NEMP2: variants seen among roughly 807,000 people sequenced by gnomAD.
The protein encoded by NEMP2 is nuclear envelope integral membrane protein 2.
Under a neutral mutation model 54.2 loss-of-function variants are expected in NEMP2, and 53 were observed. That is an observed-to-expected ratio of 0.98 (90% CI 0.78 to 1.23). The LOEUF (loss-of-function observed/expected upper bound fraction) is 1.23. NEMP2 is among the 50% of genes most tolerant of loss of function. The pLI is 0.00. For synonymous variants in NEMP2, 197 were observed against 190.3 expected, an observed-to-expected ratio of 1.04 and a Z score of -0.29; for missense variants, 455 against 511.3, an observed-to-expected ratio of 0.89 and a Z score of 1.06.
the NEMP2 span, among the ~76,000 whole-genome samples, chr2:190,621,463 G>C: frequency 6.6e-6 from 1 of 152,210 alleles, no homozygotes; most frequent in East Asian, 1.9e-4. Flanking sequence ...TGCCATTATA[G>C]TGGCACATGA....
At chr2:190,594,034 G>A in the NEMP2 span, among the ~76,000 whole-genome samples, 7 of 152,278 alleles carry the variant, frequency 4.6e-5, no homozygotes, top group South Asian at 2.1e-4. The surrounding 1 kb of genome is among the most constrained non-coding windows in gnomAD (Gnocchi z 5.6). Flanking sequence ...ACTCATTGCC[G>A]TGGCCTGAAG....
chr2:190,518,834 C>A, intron 3 of NEMP2, 26 bp from the exon 4 acceptor site: 2 of 1,530,372 alleles, frequency 1.3e-6, no homozygotes, highest in East Asian at 4.9e-5. Flanking sequence ...CACACAAACA[C>A]ATAACAAAGA....
the NEMP2 span, among the ~76,000 whole-genome samples, chr2:190,476,048 T>C: frequency 6.6e-6 from 1 of 152,208 alleles, no homozygotes; most frequent in Non-Finnish European, 1.5e-5. Flanking sequence ...TTACACCTTA[T>C]ACAGAAATTA....
chr2:190,565,146 G>A, the NEMP2 span, among the ~76,000 whole-genome samples: 1 of 146,322 alleles, frequency 6.8e-6, no homozygotes, highest in Non-Finnish European at 1.5e-5. Flanking sequence ...TCCTGCTCCA[G>A]GAGGAAATAC....
At chr2:190,532,347 C>G (rs1469871014) in intron 1 of NEMP2, among the ~76,000 whole-genome samples, 1 of 152,146 alleles carries the variant, frequency 6.6e-6, no homozygotes, top group Non-Finnish European at 1.5e-5. Context: ...CTCATGCACA[C>G]TCAGGTCTTT....
At chr2:190,648,771 T>G in the NEMP2 span, 1 of 150,464 alleles carries the variant, frequency 6.6e-6, no homozygotes. Flanking sequence ...ACTTGGTTCC[T>G]CCCAGCTGCC....
the NEMP2 span, among the ~76,000 whole-genome samples, chr2:190,646,407 T>C: frequency 2.6e-5 from 4 of 152,094 alleles, no homozygotes; most frequent in Admixed American, 6.5e-5. Context: ...CAAAACCTGG[T>C]AAGGTGGAAA....
rs191169168 is a variant in NEMP2, at chr2:190,510,859, C to T, written c.954-322G>A. Among the ~76,000 whole-genome samples, 452 of 144,138 alleles carry T rather than the reference C, an allele frequency of 3.1e-3. 19 individuals are homozygous for T. The East Asian group carries it at 0.079, about 25-fold the overall frequency. 94.6% of individuals were successfully genotyped at this position (144,138 alleles called of 152,430 possible). ...TCGCGCCACTGCACTCCAGCCTGGG[C>T]GACAGAGGGAGACTCCGTCTCAAAA... On this transcript the variant is annotated intron_variant, in intron 7 of 8. Transcript: ENST00000409150. This position sits in a 1 kb window ranked among gnomAD's most constrained non-coding sequence, Gnocchi z 5.7.
chr2:190,508,947 G>T lies in NEMP2; in HGVS notation c.*242C>A. On this transcript the variant is annotated 3_prime_UTR_variant, in exon 9 of 9. Transcript: ENST00000409150. This position sits in a 1 kb window ranked among gnomAD's most constrained non-coding sequence, Gnocchi z 4.3. ...TTCCTAATGAAAGCCTTCATTCAAG[G>T]TAAGTGGTAGTGGCTGTCACAGAAT... 1 of 499,072 alleles carries T rather than the reference G, an allele frequency of 2.0e-6. No individual in the cohort carries two copies. The highest frequency in any genetic ancestry group is 3.5e-6 in the Non-Finnish European group (1 of 282,492). 30.9% of individuals were successfully genotyped at this position (499,072 alleles called of 1,614,324 possible).
upstream of NEMP2, chr2:190,534,727 C>T (rs1031022762): frequency 1.4e-5 from 16 of 1,141,464 alleles, no homozygotes; most frequent in Non-Finnish European, 1.7e-5. Context: ...GGAAGTGGCG[C>T]GGGGGCTCAG....
chr2:190,610,248 A>T, the NEMP2 span: 6 of 152,216 alleles, frequency 3.9e-5, no homozygotes, highest in African/African-American at 1.4e-4. This position sits in a 1 kb window ranked among gnomAD's most constrained non-coding sequence, Gnocchi z 5.4. Flanking sequence ...AAGTGCAGCA[A>T]GAATAATTAT....
chr2:190,607,631 T>C, the NEMP2 span: 1 of 152,174 alleles, frequency 6.6e-6, no homozygotes. The surrounding 1 kb of genome is among the most constrained non-coding windows in gnomAD (Gnocchi z 5.2). Flanking sequence ...CTTACTCCTG[T>C]ATTTTTAAAA....
the NEMP2 span, among the ~76,000 whole-genome samples, chr2:190,482,867 T>C: frequency 5.5e-5 from 6 of 108,440 alleles, no homozygotes; most frequent in African/African-American, 1.7e-4. Flanking sequence ...AAGACTATCA[T>C]CTTTTTTTTT....
the NEMP2 span, among the ~76,000 whole-genome samples, chr2:190,616,625 T>C: frequency 1.3e-5 from 2 of 152,192 alleles, no homozygotes; most frequent in Non-Finnish European, 2.9e-5. The surrounding 1 kb of genome is among the most constrained non-coding windows in gnomAD (Gnocchi z 5.1). Context: ...CAATGTATCC[T>C]CTTTTGAATA....
At chr2:190,615,462 G>C in the NEMP2 span, among the ~76,000 whole-genome samples, 2 of 152,198 alleles carry the variant, frequency 1.3e-5, no homozygotes, top group African/African-American at 4.8e-5. This position sits in a 1 kb window ranked among gnomAD's most constrained non-coding sequence, Gnocchi z 4.7. Flanking sequence ...TGAAGGGCAC[G>C]GAGCTTCCAC....
chr2:190,551,951 G>C, the NEMP2 span, among the ~76,000 whole-genome samples: 10 of 152,124 alleles, frequency 6.6e-5, no homozygotes, highest in Non-Finnish European at 8.8e-5. Flanking sequence ...GCTCCATTTT[G>C]ATTCCACTTG....
the NEMP2 span, among the ~76,000 whole-genome samples, chr2:190,635,943 G>A: frequency 1.3e-5 from 2 of 152,154 alleles, no homozygotes; most frequent in Non-Finnish European, 2.9e-5. This position sits in a 1 kb window ranked among gnomAD's most constrained non-coding sequence, Gnocchi z 4.1. Flanking sequence ...TATAGCTCAC[G>A]GCAGCCTTGG....
chr2:190,573,679 T>C, the NEMP2 span, among the ~76,000 whole-genome samples: 21 of 152,244 alleles, frequency 1.4e-4, no homozygotes, highest in Non-Finnish European at 2.9e-4. Context: ...TGAGGTTGTC[T>C]GTTATTGAAA....
chr2:190,559,401 G>GT, the NEMP2 span, among the ~76,000 whole-genome samples: 2 of 152,156 alleles, frequency 1.3e-5, no homozygotes, highest in African/African-American at 4.8e-5. This position sits in a 1 kb window ranked among gnomAD's most constrained non-coding sequence, Gnocchi z 4.0. Context: ...ACCCTTGAGC[G>GT]TATGAGTTCT....
Sources: allele counts gnomAD v4.1 joint callset (sites outside exome capture counted in the v4.1 genomes callset), GRCh38; gene constraint gnomAD v4.1.1; non-coding constraint Gnocchi (gnomAD v3.1); transcripts MANE v1.5; gene names NCBI Gene and HGNC (gene_info 2026-07-23, HGNC 2026-07-21).